The following AK4 variants were observed in gnomAD, a reference collection of about 807,000 sequenced individuals.
AK4 encodes adenylate kinase 4, mitochondrial.
Under a neutral mutation model 24.6 loss-of-function variants are expected in AK4, and 13 were observed. The observed-to-expected ratio is 0.53, with a 90% confidence interval of 0.34 to 0.84. The LOEUF (loss-of-function observed/expected upper bound fraction) is 0.84, where lower values mean the gene tolerates loss of function less well. AK4 is among the 40% of genes least tolerant of loss of function. AK4 has a pLI of 0.01. For missense variants in AK4, 192 were observed against 288.2 expected, an observed-to-expected ratio of 0.67 and a Z score of 2.42; for synonymous variants, 88 against 107.0, an observed-to-expected ratio of 0.82 and a Z score of 1.10.
rs563636345 is a variant in AK4 at position 65,223,941 on chromosome 1, C to T, written c.439-811C>T. ...CCGGGAGGCGGAGGTTGCAGTGAGC[C>T]GAGATCGAGCCATTGCACTCCAGCC... On this transcript the variant is annotated intron_variant, in intron 3 of 4. Transcript: ENST00000327299. Among the ~76,000 whole-genome samples, 73 of 152,108 alleles carry T rather than the reference C, an allele frequency of 4.8e-4. 1 individual carries two copies. The highest frequency in any genetic ancestry group is 1.0e-3 in the South Asian group (5 of 4,822).
intron 3 of AK4, among the ~76,000 whole-genome samples, chr1:65,224,339 A>C (rs1652388538): frequency 1.3e-5 from 2 of 152,176 alleles, no homozygotes; most frequent in Non-Finnish European, 2.9e-5. Context: ...AAGTAAGCCA[A>C]GTTGTTTTTT....
At chr1:65,201,635 C>A (rs1167827866) in intron 2 of AK4, among the ~76,000 whole-genome samples, 2 of 152,146 alleles carry the variant, frequency 1.3e-5, no homozygotes, top group African/African-American at 2.4e-5. Flanking sequence ...GAGTGCCGCA[C>A]AAATGGTTGC....
intron 1 of AK4, among the ~76,000 whole-genome samples, chr1:65,160,586 A>G (rs1650126651): frequency 6.6e-6 from 1 of 152,134 alleles, no homozygotes; most frequent in South Asian, 2.1e-4. Flanking sequence ...ACAAAAACAC[A>G]AAAACAATAA....
At chr1:65,176,957 TC>T (rs1650737530) in intron 1 of AK4, among the ~76,000 whole-genome samples, 1 of 152,266 alleles carries the variant, frequency 6.6e-6, no homozygotes, top group Non-Finnish European at 1.5e-5. Flanking sequence ...ACAAATTCTT[TC>T]ATTTTTAATC....
At chr1:65,190,241 T>C (rs2101040263) in intron 1 of AK4, among the ~76,000 whole-genome samples, 1 of 151,950 alleles carries the variant, frequency 6.6e-6, no homozygotes, top group South Asian at 2.1e-4. Flanking sequence ...TCTTTCCTGC[T>C]TTCTTGGTTT....
chr1:65,181,371 C>T (rs1650899467), intron 1 of AK4, among the ~76,000 whole-genome samples: 1 of 151,334 alleles, frequency 6.6e-6, no homozygotes, highest in Admixed American at 6.6e-5. Context: ...TTTCATAAAC[C>T]AGCAGGCTCC....
Position 65,152,403 on chromosome 1 carries a change from T to A in AK4, c.145+3851T>A, listed in dbSNP as rs1322567430. 1.1e-4 allele frequency among the ~76,000 whole-genome samples: 10 copies of A among 88,792 alleles called. No homozygotes were observed. The East Asian group carries it at 1.6e-3, about 14-fold the overall frequency. 58.3% of individuals were successfully genotyped at this position (88,792 alleles called of 152,430 possible). ...ATATATATTTTTTTTTTTTTTTTTT[T>A]TTTTTTTTTTTTTTTTTGAGCCGGA... On this transcript the variant is annotated intron_variant, in intron 1 of 4. Coordinates refer to ENST00000327299, the MANE Select transcript of AK4 (RefSeq NM_013410.4).
intron 2 of AK4, among the ~76,000 whole-genome samples, chr1:65,211,351 G>A (rs1266271116): frequency 3.0e-4 from 45 of 152,238 alleles, no homozygotes; most frequent in Admixed American, 2.9e-3. Context: ...TGGATCAGGC[G>A]GTTCCTGAAG....
chr1:65,168,437 T>C (rs1225752615), intron 1 of AK4, among the ~76,000 whole-genome samples: 1 of 152,018 alleles, frequency 6.6e-6, no homozygotes, highest in African/African-American at 2.4e-5. Flanking sequence ...TGAGCCACTG[T>C]GCCTGGCCCT....
At chr1:65,173,019 A>C (rs1466619140) in intron 1 of AK4, among the ~76,000 whole-genome samples, 1 of 151,758 alleles carries the variant, frequency 6.6e-6, no homozygotes, top group Non-Finnish European at 1.5e-5. Flanking sequence ...TGTGCCACCA[A>C]GCCTGGCTAA....
At chr1:65,208,736 T>C (rs561994419) in intron 2 of AK4, among the ~76,000 whole-genome samples, 46 of 152,304 alleles carry the variant, frequency 3.0e-4, no homozygotes, top group African/African-American at 1.1e-3. Flanking sequence ...CCTGGGAACG[T>C]GGTGGTGGAC....
chr1:65,212,222 CTG>C (rs1482562531), intron 2 of AK4, among the ~76,000 whole-genome samples: 1 of 152,098 alleles, frequency 6.6e-6, no homozygotes, highest in Non-Finnish European at 1.5e-5. Context: ...CAAATGGTAA[CTG>C]TGTTATAAGG....
intron 2 of AK4, among the ~76,000 whole-genome samples, chr1:65,218,425 T>C (rs1349975247): frequency 1.3e-5 from 2 of 152,226 alleles, no homozygotes; most frequent in African/African-American, 4.8e-5. Flanking sequence ...GATTCCTTAA[T>C]CTTTGAGTCT....
At chr1:65,216,170 T>G in intron 2 of AK4, among the ~76,000 whole-genome samples, 1 of 152,120 alleles carries the variant, frequency 6.6e-6, no homozygotes, top group South Asian at 2.1e-4. Flanking sequence ...TCTTACTCTG[T>G]CACCCAGGCT....
intron 1 of AK4, among the ~76,000 whole-genome samples, chr1:65,181,780 TTGTCATC>T (rs1469280933): frequency 6.6e-6 from 1 of 152,246 alleles, no homozygotes; most frequent in Non-Finnish European, 1.5e-5. Context: ...ATAGGCCAAG[TTGTCATC>T]TGTTTGATGT....
chr1:65,172,103 A>ATATATATATATATATC (rs1553122938), intron 1 of AK4, among the ~76,000 whole-genome samples: 1 of 115,500 alleles, frequency 8.7e-6, no homozygotes, highest in Non-Finnish European at 1.8e-5. Context: ...ATATATATAT[A>ATATATATATATATATC]TTTAAACTCA....
chr1:65,173,988 C>T (rs1451258431), intron 1 of AK4, among the ~76,000 whole-genome samples: 1 of 152,126 alleles, frequency 6.6e-6, no homozygotes, highest in East Asian at 1.9e-4. Context: ...AACCTATCAG[C>T]CATTCCCCAC....
At chr1:65,218,385 A>G (rs1223147136) in intron 2 of AK4, among the ~76,000 whole-genome samples, 1 of 152,204 alleles carries the variant, frequency 6.6e-6, no homozygotes, top group Non-Finnish European at 1.5e-5. Flanking sequence ...AGTGATTTTT[A>G]GTTTAGCGCA....
At chr1:65,166,965 C>G (rs1288924377) in intron 1 of AK4, among the ~76,000 whole-genome samples, 3 of 152,166 alleles carry the variant, frequency 2.0e-5, no homozygotes, top group Non-Finnish European at 4.4e-5. Context: ...AACCCTGTCT[C>G]TACTAAAAAT....
Sources: allele counts gnomAD v4.1 joint callset (sites outside exome capture counted in the v4.1 genomes callset), GRCh38; gene constraint gnomAD v4.1.1; transcripts MANE v1.5; gene names NCBI Gene and HGNC (gene_info 2026-07-23, HGNC 2026-07-21).